Variants in CDH4 observed in about 807,000 individuals in gnomAD.
CDH4 encodes the protein cadherin 4.
Under a neutral mutation model 86.0 loss-of-function variants are expected in CDH4, and 33 were observed. The ratio of observed to expected loss-of-function variants is 0.38; its 90% CI spans 0.29 to 0.51. CDH4 has a LOEUF of 0.51. CDH4 is among the 20% of genes least tolerant of loss of function. The probability of loss-of-function intolerance (pLI) is 0.86; values close to 1 mark genes in which losing one functional copy is unlikely to be tolerated. For missense variants in CDH4, 1,114 were observed against 1,307.4 expected, an observed-to-expected ratio of 0.85 and a Z score of 2.28; for synonymous variants, 555 against 549.4, an observed-to-expected ratio of 1.01 and a Z score of -0.14.
chr20:61,429,130 T>A (rs1162861010), intron 2 of CDH4, among the ~76,000 whole-genome samples: 5 of 152,234 alleles, frequency 3.3e-5, no homozygotes, highest in Non-Finnish European at 7.3e-5. Flanking sequence ...ACAGCTTATA[T>A]TTAAATGCTC....
At chr20:61,913,025 C>G (rs913202830) in intron 9 of CDH4, among the ~76,000 whole-genome samples, 1 of 152,176 alleles carries the variant, frequency 6.6e-6, no homozygotes, top group African/African-American at 2.4e-5. Context: ...GGGGCCTTCC[C>G]CAGTGAGTAG....
intron 2 of CDH4, among the ~76,000 whole-genome samples, chr20:61,450,843 G>A (rs926377988): frequency 4.6e-5 from 7 of 150,960 alleles, no homozygotes; most frequent in East Asian, 4.1e-4. Flanking sequence ...TGGCTAGAGC[G>A]GGGTTTTCTC....
At chr20:61,395,191 G>A (rs1401236838) in intron 2 of CDH4, among the ~76,000 whole-genome samples, 1 of 151,862 alleles carries the variant, frequency 6.6e-6, no homozygotes. Flanking sequence ...AAGAAAAAAT[G>A]CTGAGGAACT....
chr20:61,559,253 G>T (rs974048539), intron 2 of CDH4, among the ~76,000 whole-genome samples: 4 of 152,122 alleles, frequency 2.6e-5, no homozygotes, highest in Non-Finnish European at 2.9e-5. Context: ...GGGAAACGGA[G>T]GTTGCAGTAA....
At chr20:61,921,874 AG>A (rs758848116) in intron 9 of CDH4, among the ~76,000 whole-genome samples, 16 of 152,042 alleles carry the variant, frequency 1.1e-4, no homozygotes, top group Admixed American at 2.0e-4. Context: ...CATTTTTATT[AG>A]TTTTTGGTTT....
chr20:61,696,957 C>T (rs773639855), intron 2 of CDH4, among the ~76,000 whole-genome samples: 2 of 152,104 alleles, frequency 1.3e-5, no homozygotes, highest in South Asian at 2.1e-4. Context: ...AGACAGAGGC[C>T]GAGACTGGAC....
chr20:61,916,545 CTCA>C (rs1315599249), intron 9 of CDH4, among the ~76,000 whole-genome samples: 2 of 152,214 alleles, frequency 1.3e-5, no homozygotes, highest in East Asian at 3.8e-4. Flanking sequence ...CATCATCATC[CTCA>C]TCGTCTTCAT....
chr20:61,875,999 C>T (rs767273061), intron 7 of CDH4, among the ~76,000 whole-genome samples: 1 of 152,184 alleles, frequency 6.6e-6, no homozygotes, highest in Admixed American at 6.5e-5. Context: ...CTCTCTGGGA[C>T]GTTTGCACAG....
At chr20:61,334,397 A>C (rs2084605466) in intron 2 of CDH4, among the ~76,000 whole-genome samples, 1 of 152,186 alleles carries the variant, frequency 6.6e-6, no homozygotes, top group Admixed American at 6.5e-5. Flanking sequence ...TGGGTGGTGC[A>C]GTGCGTCTGG....
rs1982353048 is a variant in CDH4, at chr20:61,844,721, G to A, written c.630G>A (p.Val210=). The A allele has an allele frequency of 6.2e-7, 1 of 1,613,994 alleles. No individual in the cohort carries two copies. The highest frequency in any genetic ancestry group is 8.5e-7 in the Non-Finnish European group (1 of 1,179,922). Residue 210 remains valine, a synonymous_variant, in exon 5 of 16, where the codon GTG becomes GTA. Coordinates refer to ENST00000614565, the MANE Select transcript of CDH4 (RefSeq NM_001794.5). The part of the protein sequence containing the change: ...DIPIRYSITG[V]GADQPPMEVF... ...CCATCCGGTACAGCATCACGGGAGT[G>A]GGCGCCGACCAGCCCCCCATGGAGG...
chr20:61,747,650 A>C (rs796658668), intron 3 of CDH4, among the ~76,000 whole-genome samples: 8 of 152,350 alleles, frequency 5.3e-5, no homozygotes, highest in African/African-American at 1.9e-4. Flanking sequence ...CAATGGATAC[A>C]TATATCTGCA....
At chr20:61,481,048 A>T (rs2085565477) in intron 2 of CDH4, among the ~76,000 whole-genome samples, 1 of 152,182 alleles carries the variant, frequency 6.6e-6, no homozygotes, top group African/African-American at 2.4e-5. Context: ...TACCCGGTTA[A>T]GAACTTTGCC....
intron 9 of CDH4, among the ~76,000 whole-genome samples, chr20:61,914,989 G>A (rs578027792): frequency 6.6e-6 from 1 of 152,112 alleles, no homozygotes; most frequent in South Asian, 2.1e-4. Flanking sequence ...GGAGCCTCAG[G>A]CCAGGCCCCA....
intron 4 of CDH4, among the ~76,000 whole-genome samples, chr20:61,791,191 A>C (rs1050464940): frequency 6.6e-6 from 1 of 152,364 alleles, no homozygotes; most frequent in Non-Finnish European, 1.5e-5. Flanking sequence ...AAAGGTAATA[A>C]GTTTTTGACA....
intron 2 of CDH4, among the ~76,000 whole-genome samples, chr20:61,352,585 A>G (rs2084719188): frequency 6.6e-6 from 1 of 152,182 alleles, no homozygotes; most frequent in South Asian, 2.1e-4. Flanking sequence ...GTGGAAAGAA[A>G]ACAAAGCTTT....
chr20:61,637,882 A>G (rs1339960568), intron 2 of CDH4, among the ~76,000 whole-genome samples: 3 of 152,082 alleles, frequency 2.0e-5, no homozygotes, highest in African/African-American at 7.2e-5. Context: ...TTAGCCGGAC[A>G]TGGTGGTGGG....
At chr20:61,672,419 C>T (rs1047018696) in intron 2 of CDH4, among the ~76,000 whole-genome samples, 7 of 152,160 alleles carry the variant, frequency 4.6e-5, no homozygotes, top group Non-Finnish European at 7.3e-5. Context: ...AAAGCCCAGT[C>T]CATCAAGGAG....
At chr20:61,727,506 A>C (rs2088130393) in intron 2 of CDH4, among the ~76,000 whole-genome samples, 1 of 152,176 alleles carries the variant, frequency 6.6e-6, no homozygotes, top group African/African-American at 2.4e-5. Context: ...GTCCACCTTT[A>C]TTACTTTAAA....
At chr20:61,537,799 C>T (rs79749902) in intron 2 of CDH4, among the ~76,000 whole-genome samples, 1,792 of 152,216 alleles carry the variant, frequency 0.012, 30 homozygotes, top group African/African-American at 0.041. Flanking sequence ...AGTTGGAAGC[C>T]AAGGGGCTCT....
Sources: allele counts gnomAD v4.1 joint callset (sites outside exome capture counted in the v4.1 genomes callset), GRCh38; gene constraint gnomAD v4.1.1; transcripts MANE v1.5; gene names NCBI Gene and HGNC (gene_info 2026-07-23, HGNC 2026-07-21).